NTNG1: variants seen among roughly 807,000 people sequenced by gnomAD.
NTNG1 encodes netrin-G1.
NTNG1 carries 16 observed loss-of-function variants against 54.0 expected under a neutral mutation model. That is an observed-to-expected ratio of 0.30 (90% confidence interval 0.20 to 0.45). NTNG1 has a LOEUF of 0.45. Ranked by LOEUF, NTNG1 falls within the 20% of genes least tolerant of loss-of-function variation. NTNG1 has a pLI of 1.00. For missense variants in NTNG1, 530 were observed against 678.7 expected (o/e 0.78, Z 2.43); for synonymous variants, 255 against 263.1 (o/e 0.97, Z 0.30).
intron 3 of NTNG1, among the ~76,000 whole-genome samples, chr1:107,340,800 C>T (rs1394025006): frequency 1.3e-5 from 2 of 152,008 alleles, no homozygotes; most frequent in Admixed American, 1.3e-4. Context: ...CATTTGTTTA[C>T]TTGATAGACT....
intron 2 of NTNG1, among the ~76,000 whole-genome samples, chr1:107,197,458 C>T (rs911168406): frequency 6.6e-6 from 1 of 151,980 alleles, no homozygotes; most frequent in East Asian, 1.9e-4. Context: ...GAAATGATAT[C>T]TTTGAAGTTC....
At chr1:107,429,860 G>A (rs1381444270) in intron 5 of NTNG1, among the ~76,000 whole-genome samples, 1 of 152,090 alleles carries the variant, frequency 6.6e-6, no homozygotes, top group Non-Finnish European at 1.5e-5. Flanking sequence ...CAAGAAAGAA[G>A]AAATCTAGTC....
chr1:107,388,560 C>G (rs1221142289), intron 3 of NTNG1, among the ~76,000 whole-genome samples: 1 of 152,156 alleles, frequency 6.6e-6, no homozygotes. Context: ...TGGTATGAAA[C>G]AATATGTGAA....
chr1:107,162,107 CTT>C (rs10709463), intron 2 of NTNG1, among the ~76,000 whole-genome samples: 1 of 151,552 alleles, frequency 6.6e-6, no homozygotes, highest in African/African-American at 2.4e-5. Context: ...TAGGAAGTTT[CTT>C]TTTTTATTTT....
chr1:107,378,760 A>T (rs12734497), intron 3 of NTNG1, among the ~76,000 whole-genome samples: 17,170 of 152,098 alleles, frequency 0.11, 1,184 homozygotes, highest in Non-Finnish European at 0.16. Context: ...CCCTAGAGCC[A>T]CCCTTGGAAG....
intron 2 of NTNG1, among the ~76,000 whole-genome samples, chr1:107,203,083 TTTC>T (rs1658882704): frequency 6.6e-6 from 1 of 151,942 alleles, no homozygotes; most frequent in African/African-American, 2.4e-5. Flanking sequence ...TTCTTCTGTT[TTTC>T]TTCTTATTGT....
intron 2 of NTNG1, among the ~76,000 whole-genome samples, chr1:107,195,095 A>T (rs1472635655): frequency 6.6e-6 from 1 of 152,006 alleles, no homozygotes; most frequent in Non-Finnish European, 1.5e-5. Context: ...TGAAAATGTA[A>T]TGAAAAATGC....
chr1:107,302,358 AC>A (rs975031870), intron 2 of NTNG1, among the ~76,000 whole-genome samples: 1 of 152,012 alleles, frequency 6.6e-6, no homozygotes, highest in African/African-American at 2.4e-5. Flanking sequence ...TATTCTGATA[AC>A]CTTCTAGTTC....
chr1:107,288,995 T>G (rs1665400312), intron 2 of NTNG1, among the ~76,000 whole-genome samples: 1 of 152,156 alleles, frequency 6.6e-6, no homozygotes, highest in Admixed American at 6.6e-5. Flanking sequence ...CTCTAGTCAG[T>G]TGTCTCTTCC....
At chr1:107,430,719 C>T in intron 5 of NTNG1, 31 bp from the exon 6 acceptor site, 1 of 1,592,718 alleles carries the variant, frequency 6.3e-7, no homozygotes. Context: ...ACTGTATACA[C>T]TCTGTATACA....
chr1:107,226,365 T>C (rs1660683950), intron 2 of NTNG1, among the ~76,000 whole-genome samples: 1 of 152,154 alleles, frequency 6.6e-6, no homozygotes, highest in Non-Finnish European at 1.5e-5. Context: ...AGTAAAATGT[T>C]ACATCTGAGA....
intron 2 of NTNG1, among the ~76,000 whole-genome samples, chr1:107,200,384 A>G (rs1034348824): frequency 1.3e-5 from 2 of 151,954 alleles, no homozygotes; most frequent in Admixed American, 6.6e-5. Flanking sequence ...AACTAATCAT[A>G]TGGTCTGTGG....
At chr1:107,324,007 C>T (rs142609936) in intron 2 of NTNG1, among the ~76,000 whole-genome samples, 5 of 152,090 alleles carry the variant, frequency 3.3e-5, no homozygotes, top group African/African-American at 1.2e-4. Context: ...TGCCTTCGTG[C>T]TTCTGTGACC....
intron 7 of NTNG1, among the ~76,000 whole-genome samples, chr1:107,465,494 G>A (rs1274683789): frequency 6.6e-6 from 1 of 152,192 alleles, no homozygotes; most frequent in Non-Finnish European, 1.5e-5. Context: ...GTCATATAAA[G>A]CTTACATTTC....
intron 7 of NTNG1, among the ~76,000 whole-genome samples, chr1:107,439,915 C>T (rs1252298199): frequency 6.6e-6 from 1 of 151,822 alleles, no homozygotes; most frequent in African/African-American, 2.4e-5. Flanking sequence ...CATGAATGCA[C>T]TCAAAAATGC....
intron 2 of NTNG1, among the ~76,000 whole-genome samples, chr1:107,322,892 T>C (rs1365043017): frequency 1.3e-5 from 2 of 152,054 alleles, no homozygotes; most frequent in Non-Finnish European, 2.9e-5. Context: ...ACTTTAGGAT[T>C]CGGTTACATT....
intron 7 of NTNG1, among the ~76,000 whole-genome samples, chr1:107,472,639 G>C (rs185510337): frequency 5.9e-5 from 9 of 152,136 alleles, no homozygotes; most frequent in Non-Finnish European, 1.2e-4. Flanking sequence ...GTTTTATGAC[G>C]CTCAGCCAAT....
intron 2 of NTNG1, among the ~76,000 whole-genome samples, chr1:107,256,270 A>G (rs1662927642): frequency 6.6e-6 from 1 of 152,180 alleles, no homozygotes; most frequent in Non-Finnish European, 1.5e-5. Flanking sequence ...TCATGTAACC[A>G]AAGATATCTC....
intron 2 of NTNG1, among the ~76,000 whole-genome samples, chr1:107,162,740 C>A (rs1437935649): frequency 6.6e-6 from 1 of 151,976 alleles, no homozygotes; most frequent in Non-Finnish European, 1.5e-5. Flanking sequence ...GTATAAAAGT[C>A]CTTCTTTTAA....
Sources: gnomAD v4.1 joint callset for allele counts (sites outside exome capture counted in the v4.1 genomes callset) on GRCh38, gnomAD v4.1.1 for gene constraint, MANE v1.5 for transcripts, NCBI Gene and HGNC (gene_info 2026-07-23, HGNC 2026-07-21) for gene names.